The following PPP2R2A variants were observed in gnomAD, a reference collection of about 807,000 sequenced individuals.
PPP2R2A encodes the protein serine/threonine-protein phosphatase 2A 55 kDa regulatory subunit B alpha isoform.
Under a neutral mutation model 53.2 loss-of-function variants are expected in PPP2R2A, and 9 were observed. The ratio of observed to expected loss-of-function variants is 0.17; its 90% CI spans 0.10 to 0.30. The LOEUF (loss-of-function observed/expected upper bound fraction) is 0.30, where lower values mean the gene tolerates loss of function less well. Ranked by LOEUF, PPP2R2A falls within the 10% of genes least tolerant of loss-of-function variation. The pLI, the probability that PPP2R2A is intolerant of heterozygous loss-of-function variation, is 1.00. For synonymous variants in PPP2R2A, 169 were observed against 174.2 expected (o/e 0.97, Z 0.23); for missense variants, 235 against 534.6 (o/e 0.44, Z 5.53).
intron 3 of PPP2R2A, among the ~76,000 whole-genome samples, chr8:26,343,111 T>A (rs1804028896): frequency 6.6e-6 from 1 of 151,556 alleles, no homozygotes; most frequent in Non-Finnish European, 1.5e-5. Context: ...GAGGCGGAGG[T>A]TGCAGTGAGC....
chr8:26,334,373 C>T (rs1803543904), intron 2 of PPP2R2A, among the ~76,000 whole-genome samples: 1 of 152,120 alleles, frequency 6.6e-6, no homozygotes, highest in African/African-American at 2.4e-5. Flanking sequence ...TCAGTTTTTG[C>T]TTTTAAAAAA....
At position 26,372,096 on chromosome 8, in the gene PPP2R2A, T is replaced by C. The variant is rs1805687581; in HGVS notation, c.*1683T>C. The C allele has an allele frequency of 6.6e-6, 1 of 152,224 alleles. No individual in the cohort carries two copies. Among genetic ancestry groups the C allele is most frequent in the Non-Finnish European group, 1.5e-5 (1 of 68,042 alleles). The allele number at this position is 152,224 out of a possible 1,614,324, so 9.4% of individuals were successfully genotyped here. On this transcript the variant is annotated 3_prime_UTR_variant, in exon 10 of 10. Transcript: ENST00000380737. ...CCGTGATTCCCTCTACTACAAATAT[T>C]ATGTCTTGTAAGTTAGCATTTTTAG...
intron 3 of PPP2R2A, among the ~76,000 whole-genome samples, chr8:26,341,879 T>G (rs1338072083): frequency 6.6e-6 from 1 of 152,190 alleles, no homozygotes; most frequent in South Asian, 2.1e-4. Flanking sequence ...CTTTGACATC[T>G]GTAACCCCTC....
rs1455535905 is a variant in PPP2R2A at position 26,329,464 on chromosome 8, G to A, written c.83-9426G>A. Among the ~76,000 whole-genome samples, 4 of 151,910 alleles carry A rather than the reference G, an allele frequency of 2.6e-5. 1 individual carries two copies. The highest frequency in any genetic ancestry group is 5.9e-5 in the Non-Finnish European group (4 of 67,984). On this transcript the variant is annotated intron_variant, in intron 2 of 9. Coordinates refer to ENST00000380737, the MANE Select transcript of PPP2R2A (RefSeq NM_002717.4). ...GCATTGGGCATAAAAATTTATGACT[G>A]TTACATTCTCACCATACCTTTTATC...
At chr8:26,336,779 A>C (rs1803684746) in intron 2 of PPP2R2A, among the ~76,000 whole-genome samples, 1 of 150,968 alleles carries the variant, frequency 6.6e-6, no homozygotes, top group South Asian at 2.1e-4. Context: ...TATTCAAGAG[A>C]CTGCGGTGGG....
intron 2 of PPP2R2A, among the ~76,000 whole-genome samples, chr8:26,315,812 C>T (rs996110674): frequency 2.6e-5 from 4 of 152,080 alleles, no homozygotes; most frequent in Admixed American, 1.3e-4. Context: ...TATTAGTTTA[C>T]CGTCATTTTA....
At position 26,326,743 on chromosome 8, in the gene PPP2R2A, G is replaced by T. The variant is rs530015289; in HGVS notation, c.83-12147G>T. ...ATACTTAATAAGGCCACTGAATGAG[G>T]TGGTTTGCTTTTGTGAAGTTAATTA... On this transcript the variant is annotated intron_variant, in intron 2 of 9. Coordinates refer to ENST00000380737, the MANE Select transcript of PPP2R2A (RefSeq NM_002717.4). Among the ~76,000 whole-genome samples the T allele has an allele frequency of 1.4e-3, 215 of 152,282 alleles. 2 individuals carry two copies. Among genetic ancestry groups the T allele is most frequent in the African/African-American group, 4.5e-3 (187 of 41,544 alleles).
In PPP2R2A at chr8:26,362,014, TAGATTA is replaced by T. The variant is rs1011487763; in HGVS notation, c.638-663_638-658del. ...ATATTATATTAATTGATATTAAGATTAGATTAAGATTAGATTAAGATTAATCTTAAG... is the reference window on the plus strand; with the variant it reads ...ATATTATATTAATTGATATTAAGATTAGATTAGATTAAGATTAATCTTAAG... On this transcript the variant is annotated intron_variant, in intron 6 of 9. Coordinates refer to ENST00000380737, the MANE Select transcript of PPP2R2A (RefSeq NM_002717.4). This position sits in a 1 kb window ranked among gnomAD's most constrained non-coding sequence, Gnocchi z 4.4. Among the ~76,000 whole-genome samples, 4 of 123,936 alleles carry T rather than the reference TAGATTA, an allele frequency of 3.2e-5. No individual in the cohort carries two copies. The highest frequency in any genetic ancestry group is 1.5e-4 in the Admixed American group (2 of 13,168). 81.3% of individuals were successfully genotyped at this position (123,936 alleles called of 152,430 possible).
rs1040152996 is a variant in PPP2R2A at position 26,333,863 on chromosome 8, C to T, written c.83-5027C>T. On this transcript the variant is annotated intron_variant, in intron 2 of 9. Transcript: ENST00000380737. ...CACTCACAAAAGAAAGCAATTATTTCACCTTCTAAGAGTGAAACCTGCCTG... is the reference window on the plus strand; with the variant it reads ...CACTCACAAAAGAAAGCAATTATTTTACCTTCTAAGAGTGAAACCTGCCTG... Among the ~76,000 whole-genome samples, 2 of 152,290 alleles carry T rather than the reference C, an allele frequency of 1.3e-5. 1 individual carries two copies. Among genetic ancestry groups the T allele is most frequent in the South Asian group, 4.1e-4 (2 of 4,820 alleles).
At position 26,362,216 on chromosome 8, in the gene PPP2R2A, G is replaced by C. The variant is rs1042907194; in HGVS notation, c.638-468G>C. On this transcript the variant is annotated intron_variant, in intron 6 of 9. Coordinates refer to ENST00000380737, the MANE Select transcript of PPP2R2A (RefSeq NM_002717.4). This position sits in a 1 kb window ranked among gnomAD's most constrained non-coding sequence, Gnocchi z 4.4. ...AATAAAAATATTCTATTGAGGCCGG[G>C]CACAGTGACTCATGCCTGTAATCCC... 6.6e-6 allele frequency among the ~76,000 whole-genome samples: 1 copy of C among 151,674 alleles called. No homozygotes were observed. Among genetic ancestry groups the C allele is most frequent in the Non-Finnish European group, 1.5e-5 (1 of 67,944 alleles).
chr8:26,309,686 GA>G (rs1163833560), intron 2 of PPP2R2A, among the ~76,000 whole-genome samples: 5 of 151,990 alleles, frequency 3.3e-5, no homozygotes, highest in Non-Finnish European at 5.9e-5. Context: ...CCTTTCACTT[GA>G]ACACTTAAGA....
At chr8:26,301,993 T>C (rs9650418) in intron 2 of PPP2R2A, among the ~76,000 whole-genome samples, 76,534 of 152,048 alleles carry the variant, frequency 0.5, 19,603 homozygotes, top group Non-Finnish European at 0.52. Context: ...AAATTTCTAC[T>C]TGAACACATG....
At chr8:26,355,901 A>G (rs1418605564) in intron 4 of PPP2R2A, among the ~76,000 whole-genome samples, 1 of 151,662 alleles carries the variant, frequency 6.6e-6, no homozygotes, top group Non-Finnish European at 1.5e-5. Context: ...TAATGACTCT[A>G]CCAGAATTTG....
In PPP2R2A at chr8:26,291,560, C is replaced by CCGCCGCCGTCGCTGTCGTAGT. The variant is rs1801293669; in HGVS notation, c.-251_-231dup. 1 of 534,164 alleles carries CCGCCGCCGTCGCTGTCGTAGT rather than the reference C, an allele frequency of 1.9e-6. No individual in the cohort carries two copies. The highest frequency in any genetic ancestry group is 2.0e-5 in the African/African-American group (1 of 49,716). 33.1% of individuals were successfully genotyped at this position (534,164 alleles called of 1,614,324 possible). ...GAGTCGCCTGCCCCTGCCGCTGCCGCCGCCGCCGTCGCTGTCGTAGTCGCC... is the reference window on the plus strand; with the variant it reads ...GAGTCGCCTGCCCCTGCCGCTGCCGCCGCCGCCGTCGCTGTCGTAGTCGCCGCCGTCGCTGTCGTAGTCGCC... On this transcript the variant is annotated 5_prime_UTR_variant, in exon 1 of 10. Transcript: ENST00000380737.
chr8:26,345,852 G>A (rs1804184889), intron 3 of PPP2R2A, among the ~76,000 whole-genome samples: 1 of 152,176 alleles, frequency 6.6e-6, no homozygotes, highest in South Asian at 2.1e-4. Context: ...TTTTCTAGTG[G>A]TGTATTTATT....
intron 9 of PPP2R2A, among the ~76,000 whole-genome samples, chr8:26,369,837 C>G (rs930650387): frequency 6.6e-5 from 10 of 152,192 alleles, no homozygotes; most frequent in African/African-American, 2.4e-4. Flanking sequence ...ATCACATAGC[C>G]TGTAGTTGCA....
intron 2 of PPP2R2A, among the ~76,000 whole-genome samples, chr8:26,295,576 G>T (rs1370768669): frequency 6.6e-6 from 1 of 152,122 alleles, no homozygotes; most frequent in Non-Finnish European, 1.5e-5. Context: ...GTTCCCCTTT[G>T]CTGATACTTA....
chr8:26,297,789 C>T (rs936480580), intron 2 of PPP2R2A, among the ~76,000 whole-genome samples: 1 of 152,122 alleles, frequency 6.6e-6, no homozygotes, highest in Admixed American at 6.5e-5. Context: ...TTACTTGAAC[C>T]TTCATATTAT....
At chr8:26,308,586 A>G (rs1802128608) in intron 2 of PPP2R2A, among the ~76,000 whole-genome samples, 1 of 152,220 alleles carries the variant, frequency 6.6e-6, no homozygotes. Flanking sequence ...ATACATCTTT[A>G]GGCTCCACTT....
Sources: allele counts gnomAD v4.1 joint callset (sites outside exome capture counted in the v4.1 genomes callset), GRCh38; gene constraint gnomAD v4.1.1; non-coding constraint Gnocchi (gnomAD v3.1); transcripts MANE v1.5; gene names NCBI Gene and HGNC (gene_info 2026-07-23, HGNC 2026-07-21).